Variants in PRDX5 observed in about 807,000 individuals in gnomAD.
PRDX5 encodes peroxiredoxin-5, mitochondrial.
PRDX5 carries 21 observed loss-of-function variants against 23.8 expected under a neutral mutation model. The ratio of observed to expected loss-of-function variants is 0.88; its 90% CI spans 0.63 to 1.27. The LOEUF (loss-of-function observed/expected upper bound fraction) is 1.27, where lower values mean the gene tolerates loss of function less well. Among genes scored for constraint, PRDX5 ranks in the 50% most tolerant of loss-of-function variants. PRDX5 has a pLI of 0.00. For synonymous variants in PRDX5, 111 were observed against 113.3 expected (o/e 0.98, Z 0.13); for missense variants, 261 against 270.6 (o/e 0.96, Z 0.25).
At chr11:64,319,431 T>C (rs1255900685) in intron 1 of PRDX5, among the ~76,000 whole-genome samples, 1 of 152,156 alleles carries the variant, frequency 6.6e-6, no homozygotes, top group Non-Finnish European at 1.5e-5. Flanking sequence ...TTCCACTCCT[T>C]TCCTGTAACC....
chr11:64,320,728 GTC>G lies in PRDX5; in HGVS notation c.376_377del (p.Leu126GlufsTer3). 8 of 1,614,050 alleles carry G rather than the reference GTC, an allele frequency of 5.0e-6. No individual in the cohort carries two copies. The highest frequency in any genetic ancestry group is 6.8e-6 in the Non-Finnish European group (8 of 1,179,904). ...GCCAAGGGAGTCCAGGTGGTGGCCT[GTC>G]TGAGTGTTAATGATGCCTTTGTGAC... On this transcript the variant is annotated frameshift_variant, in exon 3 of 6. Transcript: ENST00000265462. LOFTEE classifies it high-confidence loss of function.
intron 2 of PRDX5, 55 bp from the exon 3 acceptor site, chr11:64,320,606 G>A (rs2035468349): frequency 6.5e-7 from 1 of 1,540,544 alleles, no homozygotes; most frequent in Admixed American, 2.0e-5. Flanking sequence ...ATAAAGGGTG[G>A]GCTGGGGGTC....
chr11:64,321,251 C>CTGTGGGGGAGAGTCCTG (rs1329288238), intron 5 of PRDX5, among the ~76,000 whole-genome samples, 183 bp downstream of exon 5: 2 of 146,022 alleles, frequency 1.4e-5, no homozygotes, highest in Non-Finnish European at 3.0e-5. Flanking sequence ...AGAGAGTCCT[C>CTGTGGGGGAGAGTCCTG]TGTGGGGGAG....
In PRDX5 at chr11:64,318,202, G is replaced by A; in HGVS notation, c.-14G>A. 6.2e-7 allele frequency: 1 copy of A among 1,611,126 alleles called. No individual in the cohort carries two copies. Among genetic ancestry groups the A allele is most frequent in the Non-Finnish European group, 8.5e-7 (1 of 1,179,530 alleles). On this transcript the variant is annotated 5_prime_UTR_variant, in exon 1 of 6. Coordinates refer to ENST00000265462, the MANE Select transcript of PRDX5 (RefSeq NM_012094.5). ...CCAGCCAGGAGGCGGAGTGGAAGTG[G>A]CCGTGGGGCGGGTATGGGACTAGCT...
chr11:64,320,907 A>C lies in PRDX5; in HGVS notation c.477+4A>C. ...TCCCACTGGGGCCTTTGGGAAGGTGAGTGTTCCCCTGACCGCCACAGGGAC... is the reference window on the plus strand; with the variant it reads ...TCCCACTGGGGCCTTTGGGAAGGTGCGTGTTCCCCTGACCGCCACAGGGAC... On this transcript the variant is annotated splice_donor_region_variant and intron_variant, in intron 4 of 5. Transcript: ENST00000265462. The C allele has an allele frequency of 6.2e-7, 1 of 1,614,118 alleles. No homozygotes were observed.
At position 64,321,725 on chromosome 11, in the gene PRDX5, C is replaced by T; in HGVS notation, c.*34C>T. On this transcript the variant is annotated 3_prime_UTR_variant, in exon 6 of 6. Coordinates refer to ENST00000265462, the MANE Select transcript of PRDX5 (RefSeq NM_012094.5). The stretch of plus-strand genomic sequence containing the variant: ...GCCAGATTACTTCCTCCACCCCTCC[C>T]TATCTCACCTGCCCAGCCCTGTGCT... 1.3e-6 allele frequency: 2 copies of T among 1,541,128 alleles called. No individual in the cohort carries two copies. The highest frequency in any genetic ancestry group is 4.9e-5 in the East Asian group (2 of 40,894).
Position 64,321,025 on chromosome 11 carries a change from G to A in PRDX5, c.496G>A (p.Asp166Asn), listed in dbSNP as rs1325217968. 2 of 1,614,154 alleles carry A rather than the reference G, an allele frequency of 1.2e-6. No homozygotes were observed. Among genetic ancestry groups the A allele is most frequent in the Admixed American group, 1.7e-5 (1 of 60,034 alleles). The change falls in exon 5 of 6, where the codon GAT becomes AAT. Residue 166 changes from aspartate to asparagine, a missense_variant. Asp to Asn is a conservative substitution (Grantham distance 23). Coordinates refer to ENST00000265462, the MANE Select transcript of PRDX5 (RefSeq NM_012094.5). ...TTCTTAGGAGACAGACTTATTACTAGATGATTCGCTGGTGTCCATCTTTGG... is the reference window on the plus strand; with the variant it reads ...TTCTTAGGAGACAGACTTATTACTAAATGATTCGCTGGTGTCCATCTTTGG... Reference protein sequence around the residue: ...AFGKETDLLLDDSLVSIFGNR... With the variant: ...AFGKETDLLLNDSLVSIFGNR...
rs781426413 is a variant in PRDX5, at chr11:64,318,371, C to T, written c.156C>T (p.Ala52=). The T allele has an allele frequency of 2.9e-5, 46 of 1,608,728 alleles. No homozygotes were observed. The East Asian group carries it at 1.0e-3, about 35-fold the overall frequency. ...GCAGTTTCAGCAGAGCCGCTGCAGC[C>T]ATGGCCCCAATCAAGGTGACCGCTG... is the stretch of plus-strand genomic sequence containing the variant. ...GVRSFSRAAA[A]MAPIKVGDAI... Residue 52 remains alanine (A), a synonymous_variant, in exon 1 of 6, where the codon GCC becomes GCT. Transcript: ENST00000265462.
rs878885953 is a variant in PRDX5 at position 64,321,121 on chromosome 11, TGTG to T, written c.539+55_539+57del. The T allele has an allele frequency of 1.3e-4, 192 of 1,495,702 alleles. No individual in the cohort carries two copies. The African/African-American group carries it at 1.8e-3, about 14-fold the overall frequency. 92.7% of individuals were successfully genotyped at this position (1,495,702 alleles called of 1,614,324 possible). On this transcript the variant is annotated intron_variant, in intron 5 of 5. Transcript: ENST00000265462. The stretch of plus-strand genomic sequence containing the variant: ...GAGTCCTCTGTGGGAGAGAGTCCTC[TGTG>T]GGAGAGAGTCCTCTGTGGAGAGGGT...
At chr11:64,321,408 GGAGAGTCCTCTGTGTGGA>G (rs2035496949) in intron 5 of PRDX5, among the ~76,000 whole-genome samples, 160 bp from the exon 6 acceptor site, 1 of 151,060 alleles carries the variant, frequency 6.6e-6, no homozygotes, top group Non-Finnish European at 1.5e-5. Flanking sequence ...TTCTCTGTGG[GGAGAGTCCTCTGTGTGGA>G]GAGAGTCCTG....
chr11:64,321,082 G>C lies in PRDX5; in HGVS notation c.539+14G>C. 6.2e-7 allele frequency: 1 copy of C among 1,610,296 alleles called. No homozygotes were observed. The highest frequency in any genetic ancestry group is 8.5e-7 in the Non-Finnish European group (1 of 1,177,452). ...ACGTCTCAAGAGGTAAAAGTGGAGA[G>C]TCCTCTGTGGAGAGAGTCCTCTGTG... On this transcript the variant is annotated intron_variant, in intron 5 of 5. Coordinates refer to ENST00000265462, the MANE Select transcript of PRDX5 (RefSeq NM_012094.5).
chr11:64,318,474 C>T (rs1283058941), intron 1 of PRDX5, 88 bp downstream of exon 1: 3 of 1,481,622 alleles, frequency 2.0e-6, no homozygotes, highest in South Asian at 1.2e-5. Flanking sequence ...GCTTTATTTC[C>T]TGCCTGCCAG....
rs768675909 is a variant in PRDX5 at position 64,320,769 on chromosome 11, C to T, written c.415C>T (p.Arg139Ter). ...TGCCTTTGTGACTGGCGAGTGGGGC[C>T]GAGCCCACAAGGCGGAAGGCAAGGT... is the stretch of plus-strand genomic sequence containing the variant. Reference protein sequence around the residue: ...NDAFVTGEWGRAHKAEGKVRL... With the variant: ...NDAFVTGEWG Residue 139 changes from arginine (R) to a stop codon, truncating the protein, a stop_gained, in exon 3 of 6, where the codon CGA (arginine) becomes TGA (stop). Coordinates refer to ENST00000265462, the MANE Select transcript of PRDX5 (RefSeq NM_012094.5). LOFTEE classifies it high-confidence loss of function. 1.4e-5 allele frequency: 22 copies of T among 1,613,964 alleles called. No individual in the cohort carries two copies. The highest frequency in any genetic ancestry group is 2.2e-5 in the East Asian group (1 of 44,900).
chr11:64,318,467 T>G, intron 1 of PRDX5, 81 bp downstream of exon 1: 1 of 1,489,394 alleles, frequency 6.7e-7, no homozygotes, highest in Non-Finnish European at 9.0e-7. Context: ...GAGTATCGCT[T>G]TATTTCCTGC....
chr11:64,318,464 G>C (rs1453100227), intron 1 of PRDX5, 78 bp downstream of exon 1: 2 of 1,509,532 alleles, frequency 1.3e-6, no homozygotes, highest in South Asian at 2.4e-5. Flanking sequence ...TGAGAGTATC[G>C]CTTTATTTCC....
In PRDX5 at chr11:64,319,751, A is replaced by G; in HGVS notation, c.189A>G (p.Pro63=). Residue 63 remains proline (P), a synonymous_variant, in exon 2 of 6, where the codon CCA becomes CCG. Transcript: ENST00000265462. ...MAPIKVGDAI[P]AVEVFEGEPG... is the part of the protein sequence containing the mutation. Reference sequence around the variant, plus strand: ...CCTTCTAGGTGGGAGATGCCATCCCAGCAGTGGAGGTGTTTGAAGGGGAGC... The same window carrying G: ...CCTTCTAGGTGGGAGATGCCATCCCGGCAGTGGAGGTGTTTGAAGGGGAGC... 1 of 1,613,992 alleles carries G rather than the reference A, an allele frequency of 6.2e-7. No individual in the cohort carries two copies. The highest frequency in any genetic ancestry group is 8.5e-7 in the Non-Finnish European group (1 of 1,179,922).
Position 64,321,503 on chromosome 11 carries a change from G to GC in PRDX5, c.540-79dup, listed in dbSNP as rs375226944. 10 of 1,559,930 alleles carry GC rather than the reference G, an allele frequency of 6.4e-6. No individual in the cohort carries two copies. In the African/African-American group the frequency reaches 1.2e-4, roughly 19 times the overall value. ...GGAGTCCTCTCTGGAGTTCTCTTGG[G>GC]CCCCTGGCTGTTCACTGCCTGTCTC... On this transcript the variant is annotated intron_variant, in intron 5 of 5. Coordinates refer to ENST00000265462, the MANE Select transcript of PRDX5 (RefSeq NM_012094.5).
At position 64,321,008 on chromosome 11, in the gene PRDX5, A is replaced by T; in HGVS notation, c.479A>T (p.Glu160Val). Reference protein sequence around the residue: ...LADPTGAFGKETDLLLDDSLV... With the variant: ...LADPTGAFGKVTDLLLDDSLV... ...ACACTTTTCTCTGTCTCTTCTTAGG[A>T]GACAGACTTATTACTAGATGATTCG... The change falls in exon 5 of 6, where the codon GAG becomes GTG. Residue 160 changes from glutamate to valine, a missense_variant and splice_region_variant. Coordinates refer to ENST00000265462, the MANE Select transcript of PRDX5 (RefSeq NM_012094.5). The T allele has an allele frequency of 6.2e-7, 1 of 1,614,096 alleles. No homozygotes were observed. The highest frequency in any genetic ancestry group is 2.2e-5 in the East Asian group (1 of 44,882).
intron 1 of PRDX5, 99 bp from the exon 2 acceptor site, chr11:64,319,635 G>C: frequency 6.9e-7 from 1 of 1,445,980 alleles, no homozygotes; most frequent in African/African-American, 1.4e-5. Flanking sequence ...TTTCAGCCCC[G>C]GTTCCTGCAG....
Sources: gnomAD v4.1 joint callset for allele counts (sites outside exome capture counted in the v4.1 genomes callset) on GRCh38, gnomAD v4.1.1 for gene constraint, MANE v1.5 for transcripts, NCBI Gene and HGNC (gene_info 2026-07-23, HGNC 2026-07-21) for gene names.